The following LTF variants were observed in gnomAD, a reference collection of about 807,000 sequenced individuals.
LTF encodes the protein epididymis luminal protein 110.
In LTF, 91 loss-of-function variants were observed where a neutral mutation model predicts 87.2. The observed-to-expected ratio is 1.04, with a 90% CI of 0.88 to 1.24. The LOEUF (loss-of-function observed/expected upper bound fraction) is 1.24, where lower values mean the gene tolerates loss of function less well. Among genes scored for constraint, LTF ranks in the 50% most tolerant of loss-of-function variants. The pLI is 0.00. For missense variants in LTF, 901 were observed against 904.3 expected (o/e 1.00, Z 0.05); for synonymous variants, 378 against 356.1 (o/e 1.06, Z -0.69).
At chr3:46,452,445 T>C (rs1244910606) in intron 6 of LTF, among the ~76,000 whole-genome samples, 1 of 152,246 alleles carries the variant, frequency 6.6e-6, no homozygotes, top group Non-Finnish European at 1.5e-5. Flanking sequence ...CATGGAACAA[T>C]TTAAATTCAG....
intron 1 of LTF, among the ~76,000 whole-genome samples, chr3:46,473,764 G>C (rs1703323022): frequency 6.6e-6 from 1 of 152,118 alleles, no homozygotes; most frequent in Non-Finnish European, 1.5e-5. Context: ...TGACCATCCA[G>C]AGAACGTCCC....
At chr3:46,463,376 C>T in intron 1 of LTF, 1 of 832,744 alleles carries the variant, frequency 1.2e-6, no homozygotes, top group Non-Finnish European at 1.4e-6. Flanking sequence ...GCCCATGGCT[C>T]CAGGGCTAAG....
At chr3:46,465,523 TGGCCACCACCCAA>T (rs990891714), upstream of LTF, among the ~76,000 whole-genome samples, 4 of 151,900 alleles carry the variant, frequency 2.6e-5, no homozygotes, top group African/African-American at 9.7e-5. Flanking sequence ...CAGAGGGGAA[TGGCCACCACCCAA>T]GGCTGGTTCC....
At chr3:46,482,802 GGAAA>G (rs34589936) in intron 1 of LTF, among the ~76,000 whole-genome samples, 41,850 of 130,942 alleles carry the variant, frequency 0.32, 8,417 homozygotes, top group East Asian at 0.5. Flanking sequence ...AAAGAAGGAA[GGAAA>G]GAAAGAAAGA....
At position 46,455,418 on chromosome 3, in the gene LTF, C is replaced by A; in HGVS notation, c.524G>T (p.Ser175Ile). 6.2e-7 allele frequency: 1 copy of A among 1,614,242 alleles called. No individual in the cohort carries two copies. ...TCCTTTATCTGCACCGGGAACACAGCTGGCTGAGAAGAACCTGGCCACAGC... is the reference window on the plus strand; with the variant it reads ...TCCTTTATCTGCACCGGGAACACAGATGGCTGAGAAGAACCTGGCCACAGC... ...EAAVARFFSA[S>I]CVPGADKGQF... The change falls in exon 5 of 17, where the codon AGC (serine) becomes ATC (isoleucine). Residue 175 changes from serine to isoleucine, a missense_variant. Physicochemically the swap from Ser to Ile is moderately radical, Grantham distance 142. Transcript: ENST00000231751.
At position 46,455,360 on chromosome 3, in the gene LTF, C is replaced by G. The variant is rs267599844; in HGVS notation, c.582G>C (p.Gly194=). The G allele has an allele frequency of 8.7e-6, 14 of 1,614,078 alleles. No homozygotes were observed. The highest frequency in any genetic ancestry group is 1.2e-5 in the Non-Finnish European group (14 of 1,180,040). The change falls in exon 5 of 17, where the codon GGG becomes GGC. Residue 194 remains glycine (G), a synonymous_variant. Coordinates refer to ENST00000231751, the MANE Select transcript of LTF (RefSeq NM_002343.6). The part of the protein sequence containing the change: ...QFPNLCRLCA[G]TGENKCAFSS... ...AGAAGGCACATTTGTTTTCCCCTGT[C>G]CCCGCACACAGGCGACACAGGTTGG...
chr3:46,463,292 A>G (rs1196072232), intron 1 of LTF, among the ~76,000 whole-genome samples: 2 of 152,172 alleles, frequency 1.3e-5, no homozygotes, highest in Non-Finnish European at 2.9e-5. Context: ...TACTCTCCCC[A>G]CCTACCCACA....
At chr3:46,455,216 G>A in intron 5 of LTF, 79 bp downstream of exon 5, 32 of 1,568,804 alleles carry the variant, frequency 2.0e-5, no homozygotes, top group Non-Finnish European at 2.7e-5. Flanking sequence ...TGGGCTCTAT[G>A]TGGGGCCAGA....
At chr3:46,461,164 A>T (rs936895429) in intron 1 of LTF, among the ~76,000 whole-genome samples, 4 of 152,240 alleles carry the variant, frequency 2.6e-5, no homozygotes, top group African/African-American at 9.6e-5. Flanking sequence ...ACACATATCG[A>T]TGAGGATGTG....
intron 1 of LTF, among the ~76,000 whole-genome samples, chr3:46,480,504 G>T (rs1172182568): frequency 6.6e-6 from 1 of 152,212 alleles, no homozygotes; most frequent in Non-Finnish European, 1.5e-5. Context: ...CGTGGACCCA[G>T]AGAGGCACTA....
At chr3:46,447,273 G>C in intron 10 of LTF, 35 bp downstream of exon 10, 2 of 1,532,746 alleles carry the variant, frequency 1.3e-6, no homozygotes, top group Non-Finnish European at 1.8e-6. Context: ...CCATGACCCA[G>C]AGGGAATATA....
intron 6 of LTF, among the ~76,000 whole-genome samples, chr3:46,453,061 A>G (rs1378125064): frequency 6.6e-6 from 1 of 152,216 alleles, no homozygotes; most frequent in Non-Finnish European, 1.5e-5. Context: ...AGGTTTTACT[A>G]AAGTTTAAAA....
At position 46,438,095 on chromosome 3, in the gene LTF, T is replaced by A. The variant is rs200727604; in HGVS notation, c.1943A>T (p.Asp648Val). The A allele has an allele frequency of 1.9e-6, 3 of 1,614,040 alleles. No individual in the cohort carries two copies. In the East Asian group the frequency reaches 6.7e-5, roughly 36 times the overall value. ...TTCAGACTGGAATAAGCAAAACTTGTCCGGGCAGTCAGATCCATTTCTCCC... is the reference window on the plus strand; with the variant it reads ...TTCAGACTGGAATAAGCAAAACTTGACCGGGCAGTCAGATCCATTTCTCCC... ...KFGRNGSDCP[D>V]KFCLFQSETK... Residue 648 changes from aspartate (D) to valine (V), a missense_variant, in exon 16 of 17, where the codon GAC becomes GTC. Transcript: ENST00000231751.
At chr3:46,457,960 A>G (rs1421027779) in intron 2 of LTF, among the ~76,000 whole-genome samples, 1 of 138,586 alleles carries the variant, frequency 7.2e-6, no homozygotes, top group African/African-American at 2.8e-5. Context: ...TTTTTTTTGT[A>G]TGTTTAGTAG....
At chr3:46,472,085 C>T (rs1232778884) in intron 1 of LTF, among the ~76,000 whole-genome samples, 1 of 152,084 alleles carries the variant, frequency 6.6e-6, no homozygotes, top group African/African-American at 2.4e-5. Context: ...TCCCTTCTCA[C>T]CCTTCCCTCC....
Position 46,459,820 on chromosome 3 carries a change from C to T in LTF, c.44-1G>A. 1.3e-6 allele frequency: 2 copies of T among 1,534,742 alleles called. No individual in the cohort carries two copies. Among genetic ancestry groups the T allele is most frequent in the Non-Finnish European group, 1.7e-6 (2 of 1,146,764 alleles). ...CTCCTACGGCCAGCCAGACACAGTC[C>T]TGGGAGAGAGGGGCCAAGGAGTAAG... is the stretch of plus-strand genomic sequence containing the variant. On this transcript the variant is annotated splice_acceptor_variant, in intron 1 of 16. Coordinates refer to ENST00000231751, the MANE Select transcript of LTF (RefSeq NM_002343.6). LOFTEE classifies it high-confidence loss of function.
At chr3:46,465,070 G>A (rs1216314792), upstream of LTF, 6 of 609,392 alleles carry the variant, frequency 9.8e-6, no homozygotes, top group Non-Finnish European at 1.8e-5. Flanking sequence ...ACCGCGCTGC[G>A]AGAGGAAAGC....
intron 16 of LTF, among the ~76,000 whole-genome samples, chr3:46,436,713 G>A (rs145506238): frequency 0.017 from 2,654 of 152,326 alleles, 88 homozygotes; most frequent in African/African-American, 0.06. Flanking sequence ...GCAGTCCTGA[G>A]CTGGCTGCTC....
At chr3:46,440,576 G>C (rs1332584374) in intron 14 of LTF, among the ~76,000 whole-genome samples, 6 of 152,148 alleles carry the variant, frequency 3.9e-5, no homozygotes, top group African/African-American at 1.4e-4. Flanking sequence ...CTTTAAGAAA[G>C]CACTTTATTC....
Sources: allele counts gnomAD v4.1 joint callset (sites outside exome capture counted in the v4.1 genomes callset), GRCh38; gene constraint gnomAD v4.1.1; transcripts MANE v1.5; gene names NCBI Gene and HGNC (gene_info 2026-07-23, HGNC 2026-07-21).